Variants in NCOA7 observed in about 807,000 individuals in gnomAD.
NCOA7 encodes the protein 140 kDa estrogen receptor-associated protein.
NCOA7 carries 45 observed loss-of-function variants against 104.3 expected under a neutral mutation model. The ratio of observed to expected loss-of-function variants is 0.43; its 90% confidence interval spans 0.34 to 0.55. The LOEUF is 0.55. Ranked by LOEUF, NCOA7 falls within the 20% of genes least tolerant of loss-of-function variation. NCOA7 has a pLI of 0.02. For missense variants in NCOA7, 1,041 were observed against 1,119.7 expected (o/e 0.93, Z 1.00); for synonymous variants, 398 against 402.3 (o/e 0.99, Z 0.13).
chr6:125,888,120 G>A (rs1296481464), intron 8 of NCOA7, among the ~76,000 whole-genome samples: 1 of 152,098 alleles, frequency 6.6e-6, no homozygotes, highest in Non-Finnish European at 1.5e-5. Flanking sequence ...TAAAGCATCT[G>A]TTATTAAGGA....
intron 1 of NCOA7, among the ~76,000 whole-genome samples, chr6:125,814,897 A>G (rs1442799464): frequency 6.6e-6 from 1 of 152,368 alleles, no homozygotes; most frequent in Admixed American, 6.5e-5. Flanking sequence ...GCCATTTTAC[A>G]TAATTATCTG....
chr6:125,827,853 T>C (rs1387734858), intron 2 of NCOA7, among the ~76,000 whole-genome samples: 7 of 152,238 alleles, frequency 4.6e-5, no homozygotes. Context: ...CTGAGGCAGA[T>C]CATGCAGGGC....
chr6:125,917,145 A>G (rs1787155094), intron 11 of NCOA7, among the ~76,000 whole-genome samples: 2 of 149,122 alleles, frequency 1.3e-5, no homozygotes, highest in Non-Finnish European at 2.9e-5. Flanking sequence ...ACTGAATCCT[A>G]GATCCTTATT....
intron 13 of NCOA7, among the ~76,000 whole-genome samples, chr6:125,925,991 A>C (rs1787991956): frequency 6.6e-6 from 1 of 152,198 alleles, no homozygotes; most frequent in South Asian, 2.1e-4. Flanking sequence ...TAGTCTTTAA[A>C]TGCATTTCCA....
intron 2 of NCOA7, among the ~76,000 whole-genome samples, chr6:125,826,221 G>C (rs1175869540): frequency 1.3e-5 from 2 of 152,020 alleles, no homozygotes; most frequent in African/African-American, 4.8e-5. Flanking sequence ...CAGCTACTCG[G>C]GAGGCTGAGG....
chr6:125,795,087 G>A (rs1310640592), intron 1 of NCOA7, among the ~76,000 whole-genome samples: 1 of 152,162 alleles, frequency 6.6e-6, no homozygotes, highest in African/African-American at 2.4e-5. Context: ...TGTTAAGTTG[G>A]TTGAATTTAC....
intron 2 of NCOA7, among the ~76,000 whole-genome samples, chr6:125,845,723 C>T (rs566086229): frequency 1.7e-3 from 265 of 152,232 alleles, no homozygotes; most frequent in African/African-American, 6.0e-3. Context: ...GCCAAGATCG[C>T]GCCACTGCCC....
At chr6:125,833,846 C>T (rs997452235) in intron 2 of NCOA7, among the ~76,000 whole-genome samples, 9 of 152,150 alleles carry the variant, frequency 5.9e-5, no homozygotes, top group African/African-American at 1.4e-4. Flanking sequence ...AGTTTTGCCC[C>T]TAACTTCTAA....
rs1407231045 is a variant in NCOA7 at position 125,929,444 on chromosome 6, T to C, written c.*673T>C. On this transcript the variant is annotated 3_prime_UTR_variant, in exon 16 of 16. Transcript: ENST00000392477. ...CCTGATTGTTTAGGGTGATAGGTCT[T>C]AAGCAGCATATATCTATATATCTGT... 1 of 108,080 alleles carries C rather than the reference T, an allele frequency of 9.3e-6. No individual in the cohort carries two copies. The highest frequency in any genetic ancestry group is 4.3e-5 in the African/African-American group (1 of 23,380). The allele number at this position is 108,080 out of a possible 1,614,324, so 6.7% of individuals were successfully genotyped here. A position where few individuals can be genotyped will look rare whatever the true frequency, so the allele number is the denominator to read the frequency against.
intron 8 of NCOA7, among the ~76,000 whole-genome samples, chr6:125,888,177 G>A (rs936812819): frequency 2.6e-5 from 4 of 152,178 alleles, no homozygotes; most frequent in Admixed American, 1.3e-4. Context: ...GCTGATAAAC[G>A]AGCTGCACCA....
At chr6:125,846,679 G>T (rs1369156060) in intron 2 of NCOA7, among the ~76,000 whole-genome samples, 2 of 152,206 alleles carry the variant, frequency 1.3e-5, no homozygotes, top group African/African-American at 4.8e-5. Flanking sequence ...TAAAGTTGAC[G>T]TTTACATATA....
chr6:125,899,288 C>A (rs1474981179), intron 10 of NCOA7, among the ~76,000 whole-genome samples: 7 of 152,184 alleles, frequency 4.6e-5, no homozygotes, highest in African/African-American at 1.4e-4. Flanking sequence ...AGTTTTCTAG[C>A]ATGAAATCTT....
intron 2 of NCOA7, among the ~76,000 whole-genome samples, chr6:125,847,447 A>G (rs368193288): frequency 2.6e-5 from 4 of 152,232 alleles, no homozygotes; most frequent in East Asian, 3.8e-4. Context: ...GCAATGCCAT[A>G]CAAGGTATTT....
chr6:125,881,670 CAAAAA>C (rs397887394), intron 6 of NCOA7, among the ~76,000 whole-genome samples: 8 of 90,544 alleles, frequency 8.8e-5, no homozygotes, highest in Admixed American at 2.6e-4. Context: ...AACCCTATCT[CAAAAA>C]AAAAAAAAAA....
At chr6:125,858,613 G>A (rs568739606) in intron 3 of NCOA7, among the ~76,000 whole-genome samples, 3 of 151,096 alleles carry the variant, frequency 2.0e-5, no homozygotes, top group East Asian at 3.9e-4. Flanking sequence ...GTGACAGAGC[G>A]AGACACTGTC....
chr6:125,912,524 G>GTGAAGGCCC (rs1397101733), intron 10 of NCOA7, among the ~76,000 whole-genome samples: 71 of 152,370 alleles, frequency 4.7e-4, no homozygotes, highest in African/African-American at 1.4e-3. Context: ...TATGGAGGCT[G>GTGAAGGCCC]TGAAGGCCCT....
intron 13 of NCOA7, among the ~76,000 whole-genome samples, chr6:125,925,782 T>G (rs1378858545): frequency 1.3e-5 from 2 of 152,258 alleles, no homozygotes; most frequent in Non-Finnish European, 2.9e-5. Context: ...GCTCTTCATC[T>G]ATTCCCTTGG....
chr6:125,928,624 TAA>T lies in NCOA7; in HGVS notation c.2694-11_2694-10del. 1 of 1,578,774 alleles carries T rather than the reference TAA, an allele frequency of 6.3e-7. No individual in the cohort carries two copies. The highest frequency in any genetic ancestry group is 8.6e-7 in the Non-Finnish European group (1 of 1,168,242). On this transcript the variant is annotated splice_polypyrimidine_tract_variant and intron_variant, in intron 15 of 15. Transcript: ENST00000392477. ...GTGTTTTTACCTTTTTTTTTTTTTT[TAA>T]CCTTTTCAGGGGACGATTTGGTTTA...
At chr6:125,795,367 A>G (rs1405773465) in intron 1 of NCOA7, among the ~76,000 whole-genome samples, 1 of 152,152 alleles carries the variant, frequency 6.6e-6, no homozygotes, top group Non-Finnish European at 1.5e-5. Context: ...TAGTATCCTC[A>G]TGGTTCAAAA....
Sources: gnomAD v4.1 joint callset for allele counts (sites outside exome capture counted in the v4.1 genomes callset) on GRCh38, gnomAD v4.1.1 for gene constraint, MANE v1.5 for transcripts, NCBI Gene and HGNC (gene_info 2026-07-23, HGNC 2026-07-21) for gene names.